The following FAM151B variants were observed in gnomAD, a reference collection of about 807,000 sequenced individuals.
FAM151B encodes family with sequence similarity 151 member B, also known as protein FAM151B.
Under a neutral mutation model 31.2 loss-of-function variants are expected in FAM151B, and 24 were observed. The observed-to-expected ratio is 0.77, with a 90% CI of 0.56 to 1.08. FAM151B has a LOEUF of 1.08. FAM151B is among the 50% of genes least tolerant of loss of function. FAM151B has a pLI of 0.00. For missense variants in FAM151B, 293 were observed against 328.6 expected (o/e 0.89, Z 0.84); for synonymous variants, 105 against 111.4 (o/e 0.94, Z 0.36).
At chr5:80,499,321 C>G (rs754595622) in intron 1 of FAM151B, among the ~76,000 whole-genome samples, 7 of 151,912 alleles carry the variant, frequency 4.6e-5, no homozygotes, top group Non-Finnish European at 8.8e-5. Flanking sequence ...ATATGTTATA[C>G]CAAAAAGTAG....
At position 80,519,100 on chromosome 5, in the gene FAM151B, G is replaced by C. The variant is rs188243859; in HGVS notation, c.318-593G>C. ...ATACGTATTTCTAATTTTCAGAAAAGGTTCTTACAATAAAAGAAGAAAAAT... is the reference window on the plus strand; with the variant it reads ...ATACGTATTTCTAATTTTCAGAAAACGTTCTTACAATAAAAGAAGAAAAAT... On this transcript the variant is annotated intron_variant, in intron 3 of 5. Coordinates refer to ENST00000282226, the MANE Select transcript of FAM151B (RefSeq NM_205548.3). Among the ~76,000 whole-genome samples, 642 of 152,148 alleles carry C rather than the reference G, an allele frequency of 4.2e-3. 4 individuals are homozygous for C. Among genetic ancestry groups the C allele is most frequent in the Middle Eastern group, 0.014 (4 of 294 alleles).
At chr5:80,494,100 G>A (rs990015374) in intron 1 of FAM151B, among the ~76,000 whole-genome samples, 10 of 152,174 alleles carry the variant, frequency 6.6e-5, no homozygotes, top group Admixed American at 6.5e-5. Flanking sequence ...AATATTGGGG[G>A]CTGGTTCCCC....
intron 3 of FAM151B, among the ~76,000 whole-genome samples, chr5:80,515,028 T>C (rs1038374813): frequency 6.6e-6 from 1 of 151,880 alleles, no homozygotes; most frequent in African/African-American, 2.4e-5. Context: ...TCACCTGAGG[T>C]TAGGAGTTTG....
At chr5:80,537,423 G>A (rs1428583113) in intron 5 of FAM151B, among the ~76,000 whole-genome samples, 1 of 152,168 alleles carries the variant, frequency 6.6e-6, no homozygotes, top group East Asian at 1.9e-4. Flanking sequence ...AAAGTGAAAT[G>A]TTTTACCTTC....
chr5:80,504,032 T>C (rs1743850077), intron 2 of FAM151B, among the ~76,000 whole-genome samples: 1 of 152,192 alleles, frequency 6.6e-6, no homozygotes, highest in Non-Finnish European at 1.5e-5. Flanking sequence ...CTCCCTCTCT[T>C]GTTAGGACTG....
intron 1 of FAM151B, among the ~76,000 whole-genome samples, chr5:80,489,851 G>A (rs1743245427): frequency 1.3e-5 from 2 of 151,746 alleles, no homozygotes; most frequent in African/African-American, 4.8e-5. Flanking sequence ...GTGAACCCGG[G>A]AGGCGGAGCT....
Position 80,511,489 on chromosome 5 carries a change from G to A in FAM151B, c.152-2115G>A, listed in dbSNP as rs935677962. 3.7e-4 allele frequency among the ~76,000 whole-genome samples: 55 copies of A among 149,644 alleles called. No individual in the cohort carries two copies. The Middle Eastern group carries it at 0.011, about 29-fold the overall frequency. ...AAGAAGAAAGCAACTATTTATTGCA[G>A]TGCAGGTTGGCCACCTCTTATGGAG... On this transcript the variant is annotated intron_variant, in intron 2 of 5. Transcript: ENST00000282226.
chr5:80,532,132 C>T (rs1290727969), intron 5 of FAM151B, among the ~76,000 whole-genome samples: 6 of 148,716 alleles, frequency 4.0e-5, no homozygotes, highest in Admixed American at 3.5e-4. Context: ...AAAAACCAAA[C>T]ACTGTGTGTT....
intron 2 of FAM151B, among the ~76,000 whole-genome samples, chr5:80,512,273 T>C (rs249010): frequency 0.37 from 56,222 of 152,094 alleles, 10,955 homozygotes; most frequent in African/African-American, 0.5. Context: ...AGACTTAGGT[T>C]GTTCATCAAG....
At position 80,519,849 on chromosome 5, in the gene FAM151B, T is replaced by C. The variant is rs758796080; in HGVS notation, c.474T>C (p.Phe158=). The C allele has an allele frequency of 1.1e-5, 17 of 1,614,028 alleles. No individual in the cohort carries two copies. The highest frequency in any genetic ancestry group is 1.4e-5 in the Non-Finnish European group (17 of 1,180,026). ...TTTTAGACACCGTGATATCCTTCTT[T>C]CCAGACGTGACGTTTTCCCTGGGTT... ...KPFLDTVISF[F]PDVTFSLGWT... The change falls in exon 4 of 6, where the codon TTT becomes TTC. Residue 158 remains phenylalanine, a synonymous_variant. Transcript: ENST00000282226.
chr5:80,533,072 G>A (rs1353393431), intron 5 of FAM151B, among the ~76,000 whole-genome samples: 1 of 152,090 alleles, frequency 6.6e-6, no homozygotes, highest in Non-Finnish European at 1.5e-5. Flanking sequence ...ACCTAACAGT[G>A]CATCTTAAAA....
At chr5:80,516,131 C>T (rs765491720) in intron 3 of FAM151B, among the ~76,000 whole-genome samples, 8 of 152,264 alleles carry the variant, frequency 5.3e-5, no homozygotes, top group Non-Finnish European at 8.8e-5. Flanking sequence ...TCTAGACCAG[C>T]CTGACCAACA....
At chr5:80,493,102 T>A (rs999174015) in intron 1 of FAM151B, among the ~76,000 whole-genome samples, 7 of 152,154 alleles carry the variant, frequency 4.6e-5, no homozygotes, top group Non-Finnish European at 8.8e-5. Context: ...TGCCACTCCA[T>A]GGAACACACA....
intron 1 of FAM151B, among the ~76,000 whole-genome samples, chr5:80,492,311 A>C (rs1267428141): frequency 2.6e-5 from 4 of 152,102 alleles, no homozygotes; most frequent in African/African-American, 9.7e-5. Flanking sequence ...CAAATTTTAA[A>C]ATTATTATAT....
chr5:80,536,844 A>T (rs1292029476), intron 5 of FAM151B, among the ~76,000 whole-genome samples: 1 of 152,172 alleles, frequency 6.6e-6, no homozygotes, highest in Non-Finnish European at 1.5e-5. Flanking sequence ...GGTTCTAAAA[A>T]TTGGAGCAAT....
intron 2 of FAM151B, among the ~76,000 whole-genome samples, chr5:80,503,192 A>G (rs951204009): frequency 6.6e-6 from 1 of 152,236 alleles, no homozygotes; most frequent in Non-Finnish European, 1.5e-5. Flanking sequence ...TAAAACCTTT[A>G]TTCACAGACA....
At chr5:80,499,817 G>A (rs1206544807) in intron 1 of FAM151B, 1 of 145,132 alleles carries the variant, frequency 6.9e-6, no homozygotes, top group East Asian at 2.0e-4. Flanking sequence ...TAACTATTTT[G>A]TTATTATCCC....
chr5:80,525,535 T>C (rs1182896634), intron 5 of FAM151B, among the ~76,000 whole-genome samples: 1 of 152,162 alleles, frequency 6.6e-6, no homozygotes, highest in African/African-American at 2.4e-5. Context: ...GAGAAGTTTG[T>C]ATATCTGTCT....
Position 80,538,448 on chromosome 5 carries a change from C to CTCTTTCTT in FAM151B, c.672-3194_672-3187dup, listed in dbSNP as rs776089650. The stretch of plus-strand genomic sequence containing the variant: ...TCTTTCTTTCTTTCTTTCTTTCTTT[C>CTCTTTCTT]TCTTTCTTTCTTTCTTTCTTTCTTT... On this transcript the variant is annotated intron_variant, in intron 5 of 5. Transcript: ENST00000282226. Among the ~76,000 whole-genome samples, 112 of 49,334 alleles carry CTCTTTCTT rather than the reference C, an allele frequency of 2.3e-3. 3 individuals carry two copies. The highest frequency in any genetic ancestry group is 0.022 in the East Asian group (35 of 1,590). 32.4% of individuals were successfully genotyped at this position (49,334 alleles called of 152,430 possible). A position where few individuals can be genotyped will look rare whatever the true frequency, so the allele number is the denominator to read the frequency against.
Sources: gnomAD v4.1 joint callset for allele counts (sites outside exome capture counted in the v4.1 genomes callset) on GRCh38, gnomAD v4.1.1 for gene constraint, MANE v1.5 for transcripts, NCBI Gene and HGNC (gene_info 2026-07-23, HGNC 2026-07-21) for gene names.